Variants in IGF2R observed in about 807,000 individuals in gnomAD.
IGF2R encodes cation-independent mannose-6-phosphate receptor.
In IGF2R, 91 loss-of-function variants were observed where a neutral mutation model predicts 270.6. The ratio of observed to expected loss-of-function variants is 0.34; its 90% CI spans 0.28 to 0.40. The LOEUF is 0.40. Ranked by LOEUF, IGF2R falls within the 10% of genes least tolerant of loss-of-function variation. IGF2R has a pLI of 1.00. For synonymous variants in IGF2R, 1,316 were observed against 1,258.9 expected, an observed-to-expected ratio of 1.05 and a Z score of -0.96; for missense variants, 2,805 against 3,188.3, an observed-to-expected ratio of 0.88 and a Z score of 2.90.
intron 45 of IGF2R, among the ~76,000 whole-genome samples, chr6:160,097,081 T>G (rs1327585753): frequency 6.6e-6 from 1 of 152,258 alleles, no homozygotes; most frequent in African/African-American, 2.4e-5. Flanking sequence ...GCAGTATTTT[T>G]ACTTTGATTT....
intron 4 of IGF2R, among the ~76,000 whole-genome samples, chr6:160,019,009 T>TA (rs1225418430): frequency 2.0e-5 from 3 of 151,524 alleles, no homozygotes; most frequent in Admixed American, 2.0e-4. Context: ...GTACAAAGGA[T>TA]AAAAAAAATG....
rs540602857 is a variant in IGF2R, at chr6:160,045,376, A to G, written c.1766-369A>G. Among the ~76,000 whole-genome samples the G allele has an allele frequency of 7.9e-5, 12 of 152,330 alleles. No homozygotes were observed. The South Asian group carries it at 2.5e-3, about 32-fold the overall frequency. ...TTGTTTGTTTGTTTTATATGGTAAA[A>G]TATACAACATAACGTAAAATGTACC... is the stretch of plus-strand genomic sequence containing the variant. On this transcript the variant is annotated intron_variant, in intron 13 of 47. Transcript: ENST00000356956.
In IGF2R at chr6:160,110,836, A is replaced by C. The variant is rs764528899; in HGVS notation, c.*5752A>C. The C allele has an allele frequency of 4.6e-5, 7 of 152,366 alleles. No homozygotes were observed. In the South Asian group the frequency reaches 8.3e-4, roughly 18 times the overall value. 9.4% of individuals were successfully genotyped at this position (152,366 alleles called of 1,614,324 possible). The stretch of plus-strand genomic sequence containing the variant: ...AGCCAGACACAGAAAGAAAAATACC[A>C]GATGATCTCACTTATATGTGGAATC... On this transcript the variant is annotated 3_prime_UTR_variant, in exon 48 of 48. Coordinates refer to ENST00000356956, the MANE Select transcript of IGF2R (RefSeq NM_000876.4).
chr6:160,091,085 C>T (rs1416706337), intron 44 of IGF2R, among the ~76,000 whole-genome samples: 2 of 138,896 alleles, frequency 1.4e-5, no homozygotes, highest in Non-Finnish European at 3.1e-5. Flanking sequence ...TGAGAAGGAG[C>T]GGGTGCTCCG....
chr6:160,047,356 A>T lies in IGF2R; in HGVS notation c.2229+20A>T. ...TATCAGGTAGGAATGTTTGTTCCTC[A>T]TCGCGCTCCCTGAGGATACTCATGC... On this transcript the variant is annotated intron_variant, in intron 16 of 47. Coordinates refer to ENST00000356956, the MANE Select transcript of IGF2R (RefSeq NM_000876.4). 6.4e-7 allele frequency: 1 copy of T among 1,551,324 alleles called. No homozygotes were observed. The highest frequency in any genetic ancestry group is 1.2e-5 in the South Asian group (1 of 82,160).
Position 160,061,839 on chromosome 6 carries a change from G to A in IGF2R, c.3493G>A (p.Gly1165Arg). Residue 1165 changes from glycine to arginine, a missense_variant, in exon 25 of 48, where the codon GGA becomes AGA. Around this residue, in one of 2 missense-constraint regions of IGF2R, gnomAD observed 1,851 missense variants for 2,207.2 expected, o/e 0.84. Transcript: ENST00000356956. ...GATGAGTCCCCAAGCCGCGGCGAAT[G>A]GATCTTTGAGCATCATGTATGTCAA... Reference protein sequence around the residue: ...VQMSPQAAANGSLSIMYVNGD... With the variant: ...VQMSPQAAANRSLSIMYVNGD... 6.2e-7 allele frequency: 1 copy of A among 1,614,172 alleles called. No homozygotes were observed. The highest frequency in any genetic ancestry group is 8.5e-7 in the Non-Finnish European group (1 of 1,180,034).
chr6:160,065,795 TG>T (rs1295989042), intron 29 of IGF2R, among the ~76,000 whole-genome samples: 3 of 60,448 alleles, frequency 5.0e-5, no homozygotes, highest in African/African-American at 2.4e-4. Context: ...TGTGTGTGTG[TG>T]TGTGTGTGTG....
rs117411910 is a variant in IGF2R at position 160,050,163 on chromosome 6, A to G, written c.2515-310A>G. On this transcript the variant is annotated intron_variant, in intron 18 of 47. Coordinates refer to ENST00000356956, the MANE Select transcript of IGF2R (RefSeq NM_000876.4). This position sits in a 1 kb window ranked among gnomAD's most constrained non-coding sequence, Gnocchi z 4.0. ...ATTGAACGAAAGCCTTATGATTCCA[A>G]TGCCAGTGATTCTTTCTGTAGCAAT... is the stretch of plus-strand genomic sequence containing the variant. 9.1e-4 allele frequency among the ~76,000 whole-genome samples: 139 copies of G among 152,342 alleles called. 3 individuals are homozygous for G. The East Asian group carries it at 0.024, about 26-fold the overall frequency.
chr6:159,979,088 CT>C (rs1259409975), intron 1 of IGF2R, among the ~76,000 whole-genome samples: 1 of 152,152 alleles, frequency 6.6e-6, no homozygotes, highest in African/African-American at 2.4e-5. Flanking sequence ...CCAGGAGGGT[CT>C]TGCTGTTAGG....
At chr6:160,044,428 C>CT in intron 12 of IGF2R, 86 bp from the exon 13 acceptor site, 1 of 1,165,586 alleles carries the variant, frequency 8.6e-7, no homozygotes, top group Non-Finnish European at 1.2e-6. Flanking sequence ...CTTTCTCTTT[C>CT]TTTCTTTTTT....
intron 10 of IGF2R, among the ~76,000 whole-genome samples, chr6:160,039,203 A>G (rs748330902): frequency 2.6e-5 from 4 of 152,212 alleles, no homozygotes; most frequent in Non-Finnish European, 5.9e-5. Flanking sequence ...GGTGTAGCCT[A>G]TTGGCTCCTG....
At chr6:160,051,403 C>A (rs1562358168) in intron 19 of IGF2R, among the ~76,000 whole-genome samples, 1 of 152,152 alleles carries the variant, frequency 6.6e-6, no homozygotes, top group Non-Finnish European at 1.5e-5. Context: ...TGGAAAGAAG[C>A]CTTCTTGGTC....
intron 4 of IGF2R, among the ~76,000 whole-genome samples, chr6:160,012,410 G>A (rs1368213981): frequency 6.6e-6 from 1 of 152,134 alleles, no homozygotes; most frequent in Non-Finnish European, 1.5e-5. Context: ...TCCGCAGGTT[G>A]TAAAGGAAGA....
Position 160,073,304 on chromosome 6 carries a change from T to C in IGF2R, c.4782T>C (p.Asp1594=), listed in dbSNP as rs369882295. The C allele has an allele frequency of 9.9e-6, 16 of 1,614,222 alleles. No homozygotes were observed. The highest frequency in any genetic ancestry group is 1.4e-5 in the Non-Finnish European group (16 of 1,180,018). The change falls in exon 34 of 48, where the codon GAT becomes GAC. Residue 1594 remains aspartate, a synonymous_variant. Coordinates refer to ENST00000356956, the MANE Select transcript of IGF2R (RefSeq NM_000876.4). ...VDQVLQLVYK[D]GSPCPSKSGL... ...AGGTCCTGCAGCTGGTGTACAAGGA[T>C]GGGTCCCCTTGTCCCTCCAAATCCG...
chr6:160,029,481 A>G, intron 6 of IGF2R, 69 bp from the exon 7 acceptor site: 1 of 954,532 alleles, frequency 1.0e-6, no homozygotes. Flanking sequence ...CTGAATGCTC[A>G]GGGCAACATA....
At chr6:159,980,156 G>T (rs1208883811) in intron 1 of IGF2R, among the ~76,000 whole-genome samples, 1 of 141,254 alleles carries the variant, frequency 7.1e-6, no homozygotes, top group Non-Finnish European at 1.5e-5. Flanking sequence ...ACTCCAGCCT[G>T]GGCAACACAG....
intron 23 of IGF2R, 28 bp from the exon 24 acceptor site, chr6:160,061,475 T>C (rs755617380): frequency 1.7e-5 from 28 of 1,611,698 alleles, no homozygotes; most frequent in Middle Eastern, 1.7e-4. Flanking sequence ...GGCAGAGTTC[T>C]CCAGCGTGGT....
chr6:159,992,063 C>T (rs1349114121), intron 2 of IGF2R, among the ~76,000 whole-genome samples: 1 of 152,160 alleles, frequency 6.6e-6, no homozygotes, highest in Non-Finnish European at 1.5e-5. Context: ...TGACCTTTCA[C>T]TAAGGCAGTT....
intron 2 of IGF2R, among the ~76,000 whole-genome samples, chr6:160,000,728 G>GTTTTTTTTTTTTTTTTTTTTTTT (rs59215791): frequency 1.4e-5 from 1 of 69,962 alleles, no homozygotes; most frequent in African/African-American, 6.0e-5. Context: ...GTGTGAGGTT[G>GTTTTTTTTTTTTTTTTTTTTTTT]TTTTTTTTTT....
Sources: gnomAD v4.1 joint callset for allele counts (sites outside exome capture counted in the v4.1 genomes callset) on GRCh38, gnomAD v4.1.1 for gene constraint, gnomAD v4.1.1 regional missense constraint, Gnocchi (gnomAD v3.1) non-coding constraint, MANE v1.5 for transcripts, NCBI Gene and HGNC (gene_info 2026-07-23, HGNC 2026-07-21) for gene names.